Variants in LRRTM4 observed in about 807,000 individuals in gnomAD.
LRRTM4 encodes leucine rich repeat transmembrane neuronal 4, also known as leucine-rich repeat transmembrane neuronal protein 4.
LRRTM4 carries 25 observed loss-of-function variants against 47.6 expected under a neutral mutation model. That is an observed-to-expected ratio of 0.53 (90% CI 0.38 to 0.73). LRRTM4 has a LOEUF of 0.73. LRRTM4 is among the 30% of genes least tolerant of loss of function. The pLI is 0.00. For synonymous variants in LRRTM4, 311 were observed against 269.5 expected, an observed-to-expected ratio of 1.15 and a Z score of -1.51; for missense variants, 638 against 713.4, an observed-to-expected ratio of 0.89 and a Z score of 1.20.
At chr2:76,979,707 T>TAGATAGATAGATAGATAGAC (rs1558775430) in intron 3 of LRRTM4, among the ~76,000 whole-genome samples, 3 of 151,238 alleles carry the variant, frequency 2.0e-5, no homozygotes, top group African/African-American at 7.3e-5. Flanking sequence ...GATAGATAGA[T>TAGATAGATAGATAGATAGAC]AGATAGATAG....
chr2:77,519,491 A>G lies in LRRTM4; in HGVS notation c.378T>C (p.Asn126=). The G allele has an allele frequency of 6.2e-7, 1 of 1,613,428 alleles. No homozygotes were observed. Among genetic ancestry groups the G allele is most frequent in the Non-Finnish European group, 8.5e-7 (1 of 1,179,624 alleles). ...LSSNKITYLH[N]KTFHPVPNLR... ...GATTGGGAACTGGGTGAAATGTTTT[A>G]TTGTGCAGATAAGTAATTTTGTTGG... The change falls in exon 3 of 4, where the codon AAT becomes AAC. Residue 126 remains asparagine, a synonymous_variant. Transcript: ENST00000409884. The surrounding 1 kb of genome is among the most constrained non-coding windows in gnomAD (Gnocchi z 4.6).
Position 77,338,246 on chromosome 2 carries a change from C to T in LRRTM4, c.1551+180072G>A, listed in dbSNP as rs536264950. Reference sequence around the variant, plus strand: ...AGAAGCCAAAATGGACAAATGGCACCGTATTCAACTAAACAGCTTCTGCAC... The same window carrying T: ...AGAAGCCAAAATGGACAAATGGCACTGTATTCAACTAAACAGCTTCTGCAC... On this transcript the variant is annotated intron_variant, in intron 3 of 3. Coordinates refer to ENST00000409884, the MANE Select transcript of LRRTM4 (RefSeq NM_001134745.3). Among the ~76,000 whole-genome samples, 4 of 152,054 alleles carry T rather than the reference C, an allele frequency of 2.6e-5. 1 individual carries two copies. The highest frequency in any genetic ancestry group is 7.2e-5 in the African/African-American group (3 of 41,484).
chr2:77,272,891 T>C (rs1252373465), intron 3 of LRRTM4, among the ~76,000 whole-genome samples: 1 of 152,180 alleles, frequency 6.6e-6, no homozygotes, highest in Non-Finnish European at 1.5e-5. Flanking sequence ...TTTATAGCAA[T>C]ACAATGGACC....
At chr2:77,462,053 A>G (rs576080260) in intron 3 of LRRTM4, among the ~76,000 whole-genome samples, 5 of 152,170 alleles carry the variant, frequency 3.3e-5, no homozygotes, top group African/African-American at 9.6e-5. Flanking sequence ...CTAGTAATAT[A>G]CTCATTTAAC....
At chr2:76,845,229 G>T (rs993243989) in intron 3 of LRRTM4, among the ~76,000 whole-genome samples, 3 of 152,120 alleles carry the variant, frequency 2.0e-5, no homozygotes, top group Non-Finnish European at 2.9e-5. Context: ...GGTGGCTCAC[G>T]TCTGTAATTC....
At chr2:77,033,026 G>T (rs1047370186) in intron 3 of LRRTM4, among the ~76,000 whole-genome samples, 3 of 152,024 alleles carry the variant, frequency 2.0e-5, no homozygotes, top group Non-Finnish European at 1.5e-5. Context: ...CAGGGAATAA[G>T]AAAGAAATAT....
intron 3 of LRRTM4, among the ~76,000 whole-genome samples, chr2:77,229,661 C>G (rs1040905985): frequency 6.6e-6 from 1 of 152,124 alleles, no homozygotes; most frequent in African/African-American, 2.4e-5. Flanking sequence ...TGCTCTCCAG[C>G]TCCACCGCTA....
At chr2:77,087,305 G>T (rs1304359978) in intron 3 of LRRTM4, among the ~76,000 whole-genome samples, 1 of 152,124 alleles carries the variant, frequency 6.6e-6, no homozygotes, top group Non-Finnish European at 1.5e-5. Flanking sequence ...AACTACAAGA[G>T]ATTTTACCTA....
chr2:76,867,062 G>A (rs1558701902), intron 3 of LRRTM4, among the ~76,000 whole-genome samples: 2 of 151,760 alleles, frequency 1.3e-5, no homozygotes, highest in South Asian at 2.1e-4. Flanking sequence ...CACAACGTCT[G>A]TTAGGGGGTG....
intron 3 of LRRTM4, among the ~76,000 whole-genome samples, chr2:76,907,559 T>C (rs1364637337): frequency 7.0e-6 from 1 of 143,522 alleles, no homozygotes; most frequent in African/African-American, 2.6e-5. Flanking sequence ...CAGGAGCTGG[T>C]TTTTTGAAAG....
intron 3 of LRRTM4, among the ~76,000 whole-genome samples, chr2:76,978,256 A>G (rs558328048): frequency 9.9e-5 from 15 of 152,022 alleles, no homozygotes; most frequent in Non-Finnish European, 1.6e-4. Context: ...GTACTGTTGA[A>G]AATTAATACC....
At chr2:77,215,246 G>GA (rs1674403438) in intron 3 of LRRTM4, among the ~76,000 whole-genome samples, 1 of 152,196 alleles carries the variant, frequency 6.6e-6, no homozygotes, top group East Asian at 1.9e-4. Context: ...AGGAAGGAAA[G>GA]AAAAAATGAT....
intron 3 of LRRTM4, among the ~76,000 whole-genome samples, chr2:76,788,158 C>T (rs924670449): frequency 2.0e-5 from 3 of 151,972 alleles, no homozygotes; most frequent in African/African-American, 7.3e-5. Context: ...AGTAGGAGAA[C>T]CAAGTAAATA....
chr2:76,979,735 T>A (rs1296403156), intron 3 of LRRTM4, among the ~76,000 whole-genome samples: 1 of 151,962 alleles, frequency 6.6e-6, no homozygotes, highest in East Asian at 1.9e-4. Context: ...GATGCATACA[T>A]ACATACATAT....
At chr2:76,876,632 A>T (rs966054808) in intron 3 of LRRTM4, among the ~76,000 whole-genome samples, 1 of 151,980 alleles carries the variant, frequency 6.6e-6, no homozygotes, top group Admixed American at 6.6e-5. Context: ...ATAATTCTTT[A>T]TGCTCTACTT....
chr2:77,423,583 A>G (rs290014), intron 3 of LRRTM4, among the ~76,000 whole-genome samples: 78,522 of 151,950 alleles, frequency 0.52, 20,886 homozygotes, highest in African/African-American at 0.62. Flanking sequence ...TAATGCTACC[A>G]ATGGTCATGA....
intron 3 of LRRTM4, among the ~76,000 whole-genome samples, chr2:77,392,929 CT>C (rs1673559253): frequency 6.6e-6 from 1 of 151,930 alleles, no homozygotes; most frequent in South Asian, 2.1e-4. Context: ...AAATAGTTAG[CT>C]TTAGCCATTA....
intron 3 of LRRTM4, among the ~76,000 whole-genome samples, chr2:77,298,371 G>A (rs964772238): frequency 1.3e-5 from 2 of 152,098 alleles, no homozygotes; most frequent in African/African-American, 4.8e-5. Flanking sequence ...CGAGTAGCTG[G>A]GACTACAGGC....
intron 3 of LRRTM4, among the ~76,000 whole-genome samples, chr2:76,817,262 A>G (rs927939516): frequency 6.6e-6 from 1 of 151,782 alleles, no homozygotes; most frequent in South Asian, 2.1e-4. Context: ...ATTTTAATAT[A>G]TGGCAGGAAG....
Sources: gnomAD v4.1 joint callset for allele counts (sites outside exome capture counted in the v4.1 genomes callset) on GRCh38, gnomAD v4.1.1 for gene constraint, Gnocchi (gnomAD v3.1) non-coding constraint, MANE v1.5 for transcripts, NCBI Gene and HGNC (gene_info 2026-07-23, HGNC 2026-07-21) for gene names.